The following MYH2 variants were observed in gnomAD, a reference collection of about 807,000 sequenced individuals.
The protein encoded by MYH2 is myosin heavy chain 2.
MYH2 carries 139 observed loss-of-function variants against 228.1 expected under a neutral mutation model. That is an observed-to-expected ratio of 0.61 (90% CI 0.53 to 0.70). The LOEUF (loss-of-function observed/expected upper bound fraction) is 0.70, where lower values mean the gene tolerates loss of function less well. Among genes scored for constraint, MYH2 ranks in the 30% least tolerant of loss-of-function variants. The pLI, the probability that MYH2 is intolerant of heterozygous loss-of-function variation, is 0.00. For synonymous variants in MYH2, 796 were observed against 871.1 expected, an observed-to-expected ratio of 0.91 and a Z score of 1.52; for missense variants, 1,809 against 2,357.5, an observed-to-expected ratio of 0.77 and a Z score of 4.82.
chr17:10,525,147 G>A lies in MYH2; in HGVS notation c.4662+77C>T. On this transcript the variant is annotated intron_variant, in intron 33 of 39. Transcript: ENST00000245503. The surrounding 1 kb of genome is among the most constrained non-coding windows in gnomAD (Gnocchi z 4.2). ...CTGCACAGCAATAATTTTGTGCTAT[G>A]TGTCTTTTTATTCACTCTATGCAGA... is the stretch of plus-strand genomic sequence containing the variant. 3.7e-6 allele frequency: 6 copies of A among 1,613,692 alleles called. No homozygotes were observed. Among genetic ancestry groups the A allele is most frequent in the Non-Finnish European group, 5.1e-6 (6 of 1,179,782 alleles).
intron 28 of MYH2, among the ~76,000 whole-genome samples, chr17:10,527,534 G>A (rs1400842246): frequency 6.6e-6 from 1 of 152,184 alleles, no homozygotes; most frequent in East Asian, 1.9e-4. Flanking sequence ...AATACTCAAG[G>A]CCATTCTGGA....
chr17:10,524,348 T>G lies in MYH2; in HGVS notation c.5175+118A>C. The stretch of plus-strand genomic sequence containing the variant: ...AGTAATGCAGAATTACTATTCTGTA[T>G]TATTTGAAAAGAAAATTTGATAGAC... On this transcript the variant is annotated intron_variant, in intron 35 of 39. Coordinates refer to ENST00000245503, the MANE Select transcript of MYH2 (RefSeq NM_017534.6). The surrounding 1 kb of genome is among the most constrained non-coding windows in gnomAD (Gnocchi z 4.7). The G allele has an allele frequency of 7.5e-7, 1 of 1,336,298 alleles. No individual in the cohort carries two copies. Among genetic ancestry groups the G allele is most frequent in the Non-Finnish European group, 1.1e-6 (1 of 936,434 alleles). 82.8% of individuals were successfully genotyped at this position (1,336,298 alleles called of 1,614,324 possible).
At chr17:10,534,786 A>G (rs752102159) in intron 19 of MYH2, among the ~76,000 whole-genome samples, 53 of 152,142 alleles carry the variant, frequency 3.5e-4, no homozygotes, top group Non-Finnish European at 7.8e-4. Flanking sequence ...GCGTGGTGGC[A>G]TATGCCTGTA....
chr17:10,532,459 A>G (rs2073436386), intron 21 of MYH2, among the ~76,000 whole-genome samples: 1 of 152,178 alleles, frequency 6.6e-6, no homozygotes, highest in African/African-American at 2.4e-5. Flanking sequence ...TTTCATCTAA[A>G]TGATTTTTAC....
rs909204055 is a variant in MYH2 at position 10,525,511 on chromosome 17, C to A, written c.4477G>T (p.Ala1493Ser). 1 of 1,614,198 alleles carries A rather than the reference C, an allele frequency of 6.2e-7. No homozygotes were observed. Among genetic ancestry groups the A allele is most frequent in the East Asian group, 2.2e-5 (1 of 44,878 alleles). ...AGCTGATCCAAAGATTCCTCATAGG[C>A]ATTCTTTATCTTGAACAGCTCAGTG... is the stretch of plus-strand genomic sequence containing the variant. ...LGTELFKIKN[A>S]YEESLDQLET... Residue 1493 changes from alanine (A) to serine (S), a missense_variant, in exon 32 of 40, where the codon GCC (alanine) becomes TCC (serine). Ala to Ser is a moderately conservative substitution (Grantham distance 99, BLOSUM62 1). Transcript: ENST00000245503. The surrounding 1 kb of genome is among the most constrained non-coding windows in gnomAD (Gnocchi z 4.2).
rs536123825 is a variant in MYH2, at chr17:10,533,631, A to G, written c.2182T>C (p.Tyr728His). 1 of 1,614,120 alleles carries G rather than the reference A, an allele frequency of 6.2e-7. No individual in the cohort carries two copies. The highest frequency in any genetic ancestry group is 1.1e-5 in the South Asian group (1 of 91,080). The change falls in exon 20 of 40, where the codon TAC becomes CAC. Residue 728 changes from tyrosine (Y) to histidine (H), a missense_variant and splice_region_variant. Tyr to His is a moderately conservative substitution (Grantham distance 83). Coordinates refer to ENST00000245503, the MANE Select transcript of MYH2 (RefSeq NM_017534.6). ...ATTGCACTTGCATTTAATACCTTGT[A>G]TCTGTTGAAGTACATATAGCTTTTA... is the stretch of plus-strand genomic sequence containing the variant. ...RILYADFKQR[Y>H]KVLNASAIPE... is the part of the protein sequence containing the mutation.
chr17:10,544,168 A>G lies in MYH2; in HGVS notation c.506-41T>C, dbSNP rs768290841. On this transcript the variant is annotated intron_variant, in intron 5 of 39. Coordinates refer to ENST00000245503, the MANE Select transcript of MYH2 (RefSeq NM_017534.6). ...TAGACATTTAATACTGTTTTCTTACATATTTGTAAATGATAAGTAAAGTAA... is the reference window on the plus strand; with the variant it reads ...TAGACATTTAATACTGTTTTCTTACGTATTTGTAAATGATAAGTAAAGTAA... 64 of 1,599,812 alleles carry G rather than the reference A, an allele frequency of 4.0e-5. 2 individuals carry two copies. The South Asian group carries it at 6.8e-4, about 17-fold the overall frequency.
chr17:10,529,744 C>T lies in MYH2; in HGVS notation c.2941-4G>A. 1 of 1,614,016 alleles carries T rather than the reference C, an allele frequency of 6.2e-7. No individual in the cohort carries two copies. Among genetic ancestry groups the T allele is most frequent in the Non-Finnish European group, 8.5e-7 (1 of 1,180,030 alleles). ...TCTCTTCTGTGAGGTTTTTCACCTACAAAGGTGAAGAAAGCAGTTTAGTTG... is the reference window on the plus strand; with the variant it reads ...TCTCTTCTGTGAGGTTTTTCACCTATAAAGGTGAAGAAAGCAGTTTAGTTG... On this transcript the variant is annotated splice_region_variant and splice_polypyrimidine_tract_variant and intron_variant, in intron 23 of 39. Transcript: ENST00000245503.
At position 10,524,372 on chromosome 17, in the gene MYH2, A is replaced by G. The variant is rs2073321497; in HGVS notation, c.5175+94T>C. The G allele has an allele frequency of 2.0e-6, 3 of 1,496,104 alleles. No individual in the cohort carries two copies. The East Asian group carries it at 6.8e-5, about 34-fold the overall frequency. 92.7% of individuals were successfully genotyped at this position (1,496,104 alleles called of 1,614,324 possible). A position where few individuals can be genotyped will look rare whatever the true frequency, so the allele number is the denominator to read the frequency against. ...ATTATTTGAAAAGAAAATTTGATAG[A>G]CATATTAGGTCTAGCTGTCTTATGA... On this transcript the variant is annotated intron_variant, in intron 35 of 39. Transcript: ENST00000245503. The surrounding 1 kb of genome is among the most constrained non-coding windows in gnomAD (Gnocchi z 4.7).
Position 10,540,683 on chromosome 17 carries a change from T to C in MYH2, c.919A>G (p.Thr307Ala). The C allele has an allele frequency of 6.2e-7, 1 of 1,608,360 alleles. No homozygotes were observed. The highest frequency in any genetic ancestry group is 8.5e-7 in the Non-Finnish European group (1 of 1,174,738). The stretch of plus-strand genomic sequence containing the variant: ...AATGGGTAATCATATGGGTTCGTGG[T>C]AATCAGAAGCATTTCTAAGTACAGG... ...KPELIEMLLITTNPYDYPFVS... is the reference protein window; with the variant it reads ...KPELIEMLLIATNPYDYPFVS... The change falls in exon 11 of 40, where the codon ACC becomes GCC. Residue 307 changes from threonine to alanine, a missense_variant. Thr to Ala is a moderately conservative substitution (Grantham distance 58, BLOSUM62 0). Around this residue, in one of 9 missense-constraint regions of MYH2, gnomAD observed 373 missense variants for 620.4 expected, o/e 0.60. Transcript: ENST00000245503.
At chr17:10,536,369 G>T (rs2073482127) in intron 17 of MYH2, among the ~76,000 whole-genome samples, 161 bp downstream of exon 17, 1 of 152,086 alleles carries the variant, frequency 6.6e-6, no homozygotes, top group African/African-American at 2.4e-5. Flanking sequence ...CCAGCGAGAT[G>T]TCAAAGCATA....
intron 30 of MYH2, 148 bp downstream of exon 30, chr17:10,526,451 T>C (rs2073354961): frequency 2.3e-6 from 3 of 1,306,220 alleles, no homozygotes; most frequent in Admixed American, 3.8e-5. Flanking sequence ...GATTTATTCA[T>C]GTCTTATTCT....
At chr17:10,544,358 T>C (rs1409235901) in intron 5 of MYH2, among the ~76,000 whole-genome samples, 1 of 152,218 alleles carries the variant, frequency 6.6e-6, no homozygotes, top group African/African-American at 2.4e-5. Flanking sequence ...CCAAGAAATA[T>C]TTCCTTCGAG....
Position 10,521,248 on chromosome 17 carries a change from G to GTCT in MYH2, c.*29_*31dup, listed in dbSNP as rs778332228. 5 of 1,611,426 alleles carry GTCT rather than the reference G, an allele frequency of 3.1e-6. No individual in the cohort carries two copies. The highest frequency in any genetic ancestry group is 4.2e-6 in the Non-Finnish European group (5 of 1,178,924). ...ACCAAAGATGTCACATTTTGTGCCT[G>GTCT]TCTTCAGTCATTCCATGGCATCAGG... is the stretch of plus-strand genomic sequence containing the variant. On this transcript the variant is annotated 3_prime_UTR_variant, in exon 40 of 40. Coordinates refer to ENST00000245503, the MANE Select transcript of MYH2 (RefSeq NM_017534.6).
intron 28 of MYH2, 108 bp downstream of exon 28, chr17:10,527,640 C>G: frequency 6.4e-7 from 1 of 1,551,864 alleles, no homozygotes; most frequent in Non-Finnish European, 8.8e-7. Context: ...TTCAGTGAAT[C>G]AGACATGTTC....
At chr17:10,531,585 A>G (rs1567731134) in intron 22 of MYH2, 48 bp downstream of exon 22, 1 of 1,613,900 alleles carries the variant, frequency 6.2e-7, no homozygotes, top group Non-Finnish European at 8.5e-7. Flanking sequence ...CCAAAGTTCT[A>G]GCACCTGCAT....
chr17:10,537,142 A>C lies in MYH2; in HGVS notation c.1897+91T>G. 1 of 1,549,494 alleles carries C rather than the reference A, an allele frequency of 6.5e-7. No homozygotes were observed. Among genetic ancestry groups the C allele is most frequent in the Non-Finnish European group, 8.9e-7 (1 of 1,126,872 alleles). ...TGGAGGAACCAGGGGCTTGGTCTGC[A>C]ACCCTTCTGCCAGACCTAAGAGATC... On this transcript the variant is annotated intron_variant, in intron 16 of 39. Coordinates refer to ENST00000245503, the MANE Select transcript of MYH2 (RefSeq NM_017534.6). This position sits in a 1 kb window ranked among gnomAD's most constrained non-coding sequence, Gnocchi z 4.0.
rs772568068 is a variant in MYH2 at position 10,545,317 on chromosome 17, C to T, written c.505+29G>A. 6.8e-6 allele frequency: 11 copies of T among 1,612,154 alleles called. No individual in the cohort carries two copies. In the African/African-American group the frequency reaches 1.1e-4, roughly 16 times the overall value. Reference sequence around the variant, plus strand: ...CCTATGGTTCTGCTCTAAAGGTTTACGCACTTGCAAAGCATTCGGCTCACT... The same window carrying T: ...CCTATGGTTCTGCTCTAAAGGTTTATGCACTTGCAAAGCATTCGGCTCACT... On this transcript the variant is annotated intron_variant, in intron 5 of 39. Coordinates refer to ENST00000245503, the MANE Select transcript of MYH2 (RefSeq NM_017534.6).
Position 10,526,768 on chromosome 17 carries a change from G to A in MYH2, c.4018C>T (p.Gln1340Ter). 6.2e-7 allele frequency: 1 copy of A among 1,614,246 alleles called. No individual in the cohort carries two copies. The highest frequency in any genetic ancestry group is 2.2e-5 in the East Asian group (1 of 44,890). ...KAKNALAHAL[Q>*]SSRHDCDLLR... ...AGGTCACAGTCGTGGCGGGAAGACTGCAGGGCATGCGCCAGGGCGTTCTTG... is the reference window on the plus strand; with the variant it reads ...AGGTCACAGTCGTGGCGGGAAGACTACAGGGCATGCGCCAGGGCGTTCTTG... The change falls in exon 30 of 40, where the codon CAG (glutamine) becomes TAG (stop). Residue 1340 changes from glutamine (Q) to a stop codon, truncating the protein, a stop_gained. Transcript: ENST00000245503. LOFTEE classifies it high-confidence loss of function.
Sources: allele counts gnomAD v4.1 joint callset (sites outside exome capture counted in the v4.1 genomes callset), GRCh38; gene constraint gnomAD v4.1.1; regional missense constraint gnomAD v4.1.1; non-coding constraint Gnocchi (gnomAD v3.1); transcripts MANE v1.5; gene names NCBI Gene and HGNC (gene_info 2026-07-23, HGNC 2026-07-21).